The following TGFB1 variants were observed in gnomAD, a reference collection of about 807,000 sequenced individuals.
TGFB1 encodes the protein transforming growth factor beta-1 proprotein.
Under a neutral mutation model 43.8 loss-of-function variants are expected in TGFB1, and 19 were observed. The ratio of observed to expected loss-of-function variants is 0.43; its 90% CI spans 0.30 to 0.64. The LOEUF (loss-of-function observed/expected upper bound fraction) is 0.64. Among genes scored for constraint, TGFB1 ranks in the 30% least tolerant of loss-of-function variants. The pLI, the probability that TGFB1 is intolerant of heterozygous loss-of-function variation, is 0.11. For missense variants in TGFB1, 445 were observed against 529.8 expected (o/e 0.84, Z 1.57); for synonymous variants, 221 against 236.3 (o/e 0.94, Z 0.60).
At position 41,344,793 on chromosome 19, in the gene TGFB1, T is replaced by G. The variant is rs762579148; in HGVS notation, c.588A>C (p.Leu196Phe). 1 of 1,613,852 alleles carries G rather than the reference T, an allele frequency of 6.2e-7. No homozygotes were observed. Among genetic ancestry groups the G allele is most frequent in the East Asian group, 2.2e-5 (1 of 44,870 alleles). ...GCACAACTCCGGTGACATCAAAAGA[T>G]AACCACTCTGGCGAGTCGCTGGGTG... is the stretch of plus-strand genomic sequence containing the variant. Reference protein sequence around the residue: ...LLAPSDSPEWLSFDVTGVVRQ... With the variant: ...LLAPSDSPEWFSFDVTGVVRQ... Residue 196 changes from leucine to phenylalanine, a missense_variant, in exon 3 of 7, where the codon TTA becomes TTC. Physicochemically the swap from Leu to Phe is conservative, Grantham distance 22 (BLOSUM62 0). Transcript: ENST00000221930.
intron 1 of TGFB1, among the ~76,000 whole-genome samples, chr19:41,350,611 G>A (rs899751036): frequency 1.3e-5 from 2 of 152,226 alleles, no homozygotes; most frequent in African/African-American, 2.4e-5. Flanking sequence ...CCCAGCCAAG[G>A]TATTTTCTAG....
intron 1 of TGFB1, among the ~76,000 whole-genome samples, chr19:41,350,297 GTTTTC>G (rs953148798): frequency 1.4e-5 from 2 of 143,218 alleles, no homozygotes; most frequent in Non-Finnish European, 3.0e-5. Flanking sequence ...GAATTAAGGT[GTTTTC>G]TTTTCTTTTT....
At chr19:41,332,058 C>G in intron 6 of TGFB1, 70 bp downstream of exon 6, 1 of 1,565,102 alleles carries the variant, frequency 6.4e-7, no homozygotes, top group Non-Finnish European at 8.7e-7. Flanking sequence ...CTTTACTTCT[C>G]TTTCTCTCTC....
intron 5 of TGFB1, among the ~76,000 whole-genome samples, chr19:41,339,623 G>A (rs2038030110): frequency 6.6e-6 from 1 of 152,042 alleles, no homozygotes; most frequent in Non-Finnish European, 1.5e-5. Context: ...AGGAGTTCGA[G>A]ACCAGCCTGA....
Position 41,330,975 on chromosome 19 carries a change from G to A in TGFB1, c.*77C>T. The A allele has an allele frequency of 3.2e-6, 4 of 1,239,458 alleles. No individual in the cohort carries two copies. The highest frequency in any genetic ancestry group is 1.6e-5 in the South Asian group (1 of 63,546). The allele number at this position is 1,239,458 out of a possible 1,614,324, so 76.8% of individuals were successfully genotyped here. ...TGGGGCACGGGTGTCCTTAAATACA[G>A]CCCCCATGGGCAAGGCAGCGGGGGC... On this transcript the variant is annotated 3_prime_UTR_variant, in exon 7 of 7. Coordinates refer to ENST00000221930, the MANE Select transcript of TGFB1 (RefSeq NM_000660.7).
chr19:41,348,218 A>T, intron 2 of TGFB1, 77 bp downstream of exon 2: 1 of 1,570,568 alleles, frequency 6.4e-7, no homozygotes, highest in Non-Finnish European at 8.7e-7. Context: ...TAACCAGCCG[A>T]CCCACAGCCA....
intron 1 of TGFB1, among the ~76,000 whole-genome samples, chr19:41,352,117 C>T (rs371383338): frequency 4.3e-4 from 65 of 152,166 alleles, no homozygotes; most frequent in Middle Eastern, 6.8e-3. Flanking sequence ...CTCTCCCCCA[C>T]CCCCGCATCC....
chr19:41,352,829 C>T lies in TGFB1; in HGVS notation c.216G>A (p.Pro72=), dbSNP rs950133017. 1 of 1,579,974 alleles carries T rather than the reference C, an allele frequency of 6.3e-7. No individual in the cohort carries two copies. Among genetic ancestry groups the T allele is most frequent in the Non-Finnish European group, 8.6e-7 (1 of 1,164,580 alleles). ...PPSQGEVPPG[P]LPEAVLALYN... ...ACAGGGCGAGCACGGCCTCGGGCAG[C>T]GGGCCGGGCGGCACCTCCCCCTGGC... Residue 72 remains proline (P), a synonymous_variant, in exon 1 of 7, where the codon CCG becomes CCA. Transcript: ENST00000221930.
intron 5 of TGFB1, among the ~76,000 whole-genome samples, chr19:41,335,667 G>A (rs1235287413): frequency 1.3e-5 from 2 of 152,150 alleles, no homozygotes; most frequent in Non-Finnish European, 1.5e-5. Flanking sequence ...CACAGCCCTT[G>A]CCCTTGCCAA....
At chr19:41,344,942 C>A in intron 2 of TGFB1, 78 bp from the exon 3 acceptor site, 1 of 1,328,352 alleles carries the variant, frequency 7.5e-7, no homozygotes, top group Non-Finnish European at 1.1e-6. Context: ...GAATCCTTCA[C>A]CCCATCTGCT....
At chr19:41,339,660 TA>T (rs1332917330) in intron 5 of TGFB1, among the ~76,000 whole-genome samples, 1 of 151,882 alleles carries the variant, frequency 6.6e-6, no homozygotes, top group African/African-American at 2.4e-5. Flanking sequence ...CAGTGTCTAC[TA>T]AAAAAACCAA....
chr19:41,342,123 C>G (rs1353201458), intron 4 of TGFB1, 47 bp downstream of exon 4: 1 of 1,611,788 alleles, frequency 6.2e-7, no homozygotes, highest in South Asian at 1.1e-5. Flanking sequence ...GGAACACACA[C>G]ACGCACACAC....
chr19:41,345,801 C>G (rs1161124775), intron 2 of TGFB1, among the ~76,000 whole-genome samples: 1 of 151,994 alleles, frequency 6.6e-6, no homozygotes, highest in Non-Finnish European at 1.5e-5. Context: ...ACTCAGGAGG[C>G]TGAGGCAGGA....
chr19:41,350,496 C>CCGGG (rs1397283341), intron 1 of TGFB1, among the ~76,000 whole-genome samples: 3 of 151,916 alleles, frequency 2.0e-5, no homozygotes, highest in African/African-American at 7.3e-5. Flanking sequence ...TTAGTAGAGA[C>CCGGG]CGGGTTTCAC....
At chr19:41,339,699 C>T (rs930834021) in intron 5 of TGFB1, among the ~76,000 whole-genome samples, 1 of 152,102 alleles carries the variant, frequency 6.6e-6, no homozygotes, top group African/African-American at 2.4e-5. Context: ...TGGCACACGC[C>T]TGTAATCCCA....
intron 5 of TGFB1, among the ~76,000 whole-genome samples, chr19:41,340,906 C>T (rs896170585): frequency 1.3e-5 from 2 of 152,160 alleles, no homozygotes; most frequent in African/African-American, 4.8e-5. Context: ...CAAATTCTAG[C>T]ATTCTAGAAT....
In TGFB1 at chr19:41,332,275, C is replaced by T. The variant is rs769782160; in HGVS notation, c.867G>A (p.Thr289=). 3 of 1,613,768 alleles carry T rather than the reference C, an allele frequency of 1.9e-6. No individual in the cohort carries two copies. The highest frequency in any genetic ancestry group is 2.2e-5 in the South Asian group (2 of 91,054). ...ALDTNYCFSS[T]EKNCCVRQLY... ...GCTGCCGCACGCAGCAGTTCTTCTC[C>T]GTGGAGCTGCAGGCAGGAGAGACGC... Residue 289 remains threonine (T), a synonymous_variant, in exon 6 of 7, where the codon ACG becomes ACA. Coordinates refer to ENST00000221930, the MANE Select transcript of TGFB1 (RefSeq NM_000660.7).
At chr19:41,346,838 A>C (rs1599892304) in intron 2 of TGFB1, among the ~76,000 whole-genome samples, 1 of 151,768 alleles carries the variant, frequency 6.6e-6, no homozygotes, top group African/African-American at 2.4e-5. Flanking sequence ...CGATTCTCCC[A>C]CCTCAGCCTC....
intron 5 of TGFB1, among the ~76,000 whole-genome samples, chr19:41,337,202 C>T (rs555271407): frequency 2.0e-5 from 3 of 152,084 alleles, no homozygotes; most frequent in Admixed American, 6.6e-5. Flanking sequence ...AGTGCAATGG[C>T]GCGACCTCGG....
Sources: gnomAD v4.1 joint callset for allele counts (sites outside exome capture counted in the v4.1 genomes callset) on GRCh38, gnomAD v4.1.1 for gene constraint, MANE v1.5 for transcripts, NCBI Gene and HGNC (gene_info 2026-07-23, HGNC 2026-07-21) for gene names.